Variants in SMAD3 observed in about 807,000 individuals in gnomAD.
SMAD3 encodes SMAD family member 3, also known as MAD homolog 3.
Under a neutral mutation model 51.8 loss-of-function variants are expected in SMAD3, and 12 were observed. The ratio of observed to expected loss-of-function variants is 0.23; its 90% CI spans 0.15 to 0.38. The LOEUF is 0.38. SMAD3 is among the 10% of genes least tolerant of loss of function. The probability of loss-of-function intolerance (pLI) is 1.00; values close to 1 mark genes in which losing one functional copy is unlikely to be tolerated. For synonymous variants in SMAD3, 238 were observed against 227.7 expected, an observed-to-expected ratio of 1.05 and a Z score of -0.41; for missense variants, 294 against 565.6, an observed-to-expected ratio of 0.52 and a Z score of 4.87.
At chr15:67,166,612 G>GGGC in intron 3 of SMAD3, 167 bp from the exon 4 acceptor site, 1 of 681,712 alleles carries the variant, frequency 1.5e-6, no homozygotes, top group Non-Finnish European at 2.7e-6. Flanking sequence ...AGGTGGACAG[G>GGGC]GGCGAGGACA....
At chr15:67,184,522 G>A (rs1343040059) in intron 6 of SMAD3, among the ~76,000 whole-genome samples, 1 of 152,192 alleles carries the variant, frequency 6.6e-6, no homozygotes, top group Non-Finnish European at 1.5e-5. Flanking sequence ...CCCATCTCTT[G>A]TCATCTGCCT....
intron 4 of SMAD3, 22 bp from the exon 5 acceptor site, chr15:67,170,532 C>T (rs747802433): frequency 6.2e-7 from 1 of 1,610,994 alleles, no homozygotes; most frequent in Non-Finnish European, 8.5e-7. Context: ...TGTGAAGTCT[C>T]ACAACTTGTC....
chr15:67,150,817 T>TA (rs1239033389), intron 1 of SMAD3, among the ~76,000 whole-genome samples: 4 of 131,738 alleles, frequency 3.0e-5, no homozygotes, highest in African/African-American at 1.1e-4. Context: ...TTTTTTTTTT[T>TA]TTATTAAGAG....
intron 1 of SMAD3, among the ~76,000 whole-genome samples, chr15:67,147,542 A>C (rs1389348962): frequency 6.6e-6 from 1 of 152,068 alleles, no homozygotes; most frequent in East Asian, 1.9e-4. Context: ...GTTCAGGGGG[A>C]AAAGAAGGTG....
rs115919871 is a variant in SMAD3 at position 67,108,746 on chromosome 15, C to G, written c.206+42386C>G. ...AGCTCCCTGCCTTGTGGTGTGGACT[C>G]TGTTCTCTGCACTGGGCTCGTTCTA... On this transcript the variant is annotated intron_variant, in intron 1 of 8. Transcript: ENST00000327367. 4.2e-3 allele frequency among the ~76,000 whole-genome samples: 643 copies of G among 152,298 alleles called. 7 individuals are homozygous for G. The highest frequency in any genetic ancestry group is 0.015 in the African/African-American group (611 of 41,560).
intron 1 of SMAD3, among the ~76,000 whole-genome samples, chr15:67,159,328 C>T (rs1962365876): frequency 6.6e-6 from 1 of 152,162 alleles, no homozygotes. Context: ...GCCTTGGCTT[C>T]TCAAAATGCT....
chr15:67,067,168 C>A (rs1280551264), intron 1 of SMAD3, among the ~76,000 whole-genome samples: 2 of 145,368 alleles, frequency 1.4e-5, no homozygotes, highest in Non-Finnish European at 3.0e-5. Context: ...GATAACAAAA[C>A]ACACCCCAAA....
At chr15:67,152,085 T>A (rs1667228286) in intron 1 of SMAD3, among the ~76,000 whole-genome samples, 1 of 152,208 alleles carries the variant, frequency 6.6e-6, no homozygotes, top group Non-Finnish European at 1.5e-5. Context: ...AGAACTGATT[T>A]TTCCTCTTTA....
At chr15:67,145,862 G>T (rs142744455) in intron 1 of SMAD3, among the ~76,000 whole-genome samples, 1 of 152,118 alleles carries the variant, frequency 6.6e-6, no homozygotes, top group East Asian at 1.9e-4. Flanking sequence ...GCTGGGGCAC[G>T]CAGAACAACA....
chr15:67,082,451 C>T (rs1960298560), intron 1 of SMAD3, among the ~76,000 whole-genome samples: 1 of 152,196 alleles, frequency 6.6e-6, no homozygotes, highest in African/African-American at 2.4e-5. Context: ...GAGCCTCCTC[C>T]CTCAGGGGAA....
chr15:67,189,383 T>C lies in SMAD3; in HGVS notation c.1155-1030T>C, dbSNP rs575957961. On this transcript the variant is annotated intron_variant, in intron 8 of 8. Coordinates refer to ENST00000327367, the MANE Select transcript of SMAD3 (RefSeq NM_005902.4). ...CAAGACAGCAACACTGTTCCTGGTG[T>C]GGCATTGCAGCTCTCCCGCTCCAAG... Among the ~76,000 whole-genome samples the C allele has an allele frequency of 1.2e-4, 18 of 152,304 alleles. No homozygotes were observed. In the South Asian group the frequency reaches 1.5e-3, roughly 12 times the overall value.
chr15:67,166,986 G>T (rs1237625790), intron 4 of SMAD3, 133 bp downstream of exon 4: 3 of 763,946 alleles, frequency 3.9e-6, no homozygotes, highest in Non-Finnish European at 6.9e-6. Context: ...GAGCAACCGC[G>T]ATGTGCAAGG....
intron 1 of SMAD3, among the ~76,000 whole-genome samples, chr15:67,158,242 T>C (rs1962336277): frequency 6.6e-6 from 1 of 152,226 alleles, no homozygotes; most frequent in Non-Finnish European, 1.5e-5. Flanking sequence ...ACACATCAGC[T>C]ATATTAAATC....
intron 1 of SMAD3, among the ~76,000 whole-genome samples, chr15:67,073,319 A>G (rs1960097184): frequency 6.6e-6 from 1 of 152,260 alleles, no homozygotes; most frequent in African/African-American, 2.4e-5. Context: ...CACAGTGGCA[A>G]CTGCTGTAGA....
intron 1 of SMAD3, among the ~76,000 whole-genome samples, chr15:67,102,705 G>A (rs1416996123): frequency 6.6e-6 from 1 of 152,130 alleles, no homozygotes; most frequent in Non-Finnish European, 1.5e-5. Flanking sequence ...GTTGCAGGGA[G>A]TGACGTTGAA....
chr15:67,143,630 C>T (rs556776999), intron 1 of SMAD3, among the ~76,000 whole-genome samples: 60 of 152,312 alleles, frequency 3.9e-4, no homozygotes, highest in African/African-American at 1.2e-3. Context: ...AAACCATTTT[C>T]ACCATGTTGA....
intron 1 of SMAD3, among the ~76,000 whole-genome samples, chr15:67,159,314 ACCTG>A (rs1355982461): frequency 6.6e-6 from 1 of 152,158 alleles, no homozygotes; most frequent in African/African-American, 2.4e-5. Flanking sequence ...CAAGTGATCC[ACCTG>A]CCTTGGCTTC....
At chr15:67,156,891 C>T (rs929686336) in intron 1 of SMAD3, among the ~76,000 whole-genome samples, 3 of 152,206 alleles carry the variant, frequency 2.0e-5, no homozygotes, top group African/African-American at 7.2e-5. Flanking sequence ...CAGTCTGTCC[C>T]TTCTGCTCAC....
chr15:67,138,447 T>C (rs1348903491), intron 1 of SMAD3: 5 of 289,332 alleles, frequency 1.7e-5, no homozygotes, highest in African/African-American at 8.6e-5. Context: ...AGGGGAGCTA[T>C]TTGTTCCTTT....
Sources: gnomAD v4.1 joint callset for allele counts (sites outside exome capture counted in the v4.1 genomes callset) on GRCh38, gnomAD v4.1.1 for gene constraint, MANE v1.5 for transcripts, NCBI Gene and HGNC (gene_info 2026-07-23, HGNC 2026-07-21) for gene names.